PLB1: variants seen among roughly 807,000 people sequenced by gnomAD.
PLB1 encodes phospholipase B1.
A neutral mutation model predicts 227.4 loss-of-function variants in PLB1; 242 were observed. The observed-to-expected ratio is 1.06, with a 90% CI of 0.96 to 1.18. PLB1 has a LOEUF of 1.18. PLB1 is among the 50% of genes most tolerant of loss of function. The pLI is 0.00. For missense variants in PLB1, 1,858 were observed against 1,816.3 expected (o/e 1.02, Z -0.42); for synonymous variants, 757 against 682.2 (o/e 1.11, Z -1.71).
Position 28,581,996 on chromosome 2 carries a change from G to T in PLB1, c.1567-72G>T, listed in dbSNP as rs1376965083. 3 of 1,418,104 alleles carry T rather than the reference G, an allele frequency of 2.1e-6. No individual in the cohort carries two copies. In the African/African-American group the frequency reaches 4.4e-5, roughly 21 times the overall value. The allele number at this position is 1,418,104 out of a possible 1,614,324, so 87.8% of individuals were successfully genotyped here. On this transcript the variant is annotated intron_variant, in intron 23 of 57. Coordinates refer to ENST00000327757, the MANE Select transcript of PLB1 (RefSeq NM_153021.5). The stretch of plus-strand genomic sequence containing the variant: ...AAAAAAAAAAGAAGGGGACCCAAGA[G>T]AGAAAGTAGCCCTGTTCTGTAGAGA...
rs115074565 is a variant in PLB1, at chr2:28,525,965, G to A, written c.325+20G>A. On this transcript the variant is annotated intron_variant, in intron 6 of 57. Coordinates refer to ENST00000327757, the MANE Select transcript of PLB1 (RefSeq NM_153021.5). Reference sequence around the variant, plus strand: ...TGACAGGTGAGTTGTGGTTTTCACGGCCAGATTTCAGAGTGCCCCTCTCCT... The same window carrying A: ...TGACAGGTGAGTTGTGGTTTTCACGACCAGATTTCAGAGTGCCCCTCTCCT... 1 of 1,613,822 alleles carries A rather than the reference G, an allele frequency of 6.2e-7. No homozygotes were observed. The highest frequency in any genetic ancestry group is 1.3e-5 in the African/African-American group (1 of 74,990).
rs180984964 is a variant in PLB1, at chr2:28,522,631, G to A, written c.244-2636G>A. Among the ~76,000 whole-genome samples the A allele has an allele frequency of 8.5e-5, 13 of 152,244 alleles. No homozygotes were observed. In the East Asian group the frequency reaches 9.7e-4, roughly 11 times the overall value. ...AGCGTTGGTCTCTAACTTTAAGCCCGTCAGTGACTTGCACTCCTTGGTCTC... is the reference window on the plus strand; with the variant it reads ...AGCGTTGGTCTCTAACTTTAAGCCCATCAGTGACTTGCACTCCTTGGTCTC... On this transcript the variant is annotated intron_variant, in intron 4 of 57. Transcript: ENST00000327757.
intron 17 of PLB1, among the ~76,000 whole-genome samples, chr2:28,557,298 C>T (rs530650312): frequency 3.3e-5 from 5 of 152,278 alleles, no homozygotes; most frequent in Non-Finnish European, 7.4e-5. Flanking sequence ...CTGTGGAAGG[C>T]ACGCATTGGT....
chr2:28,637,953 A>T (rs1177080154), intron 56 of PLB1, among the ~76,000 whole-genome samples: 3 of 152,144 alleles, frequency 2.0e-5, no homozygotes, highest in African/African-American at 7.2e-5. Context: ...AAACAATTTC[A>T]TTCCCTGTGG....
intron 10 of PLB1, 77 bp from the exon 11 acceptor site, chr2:28,539,022 C>T: frequency 8.4e-7 from 1 of 1,191,532 alleles, no homozygotes; most frequent in Non-Finnish European, 1.3e-6. Context: ...CAACGGGGCC[C>T]AAGCAGGAGT....
At chr2:28,522,882 A>G (rs1443552651) in intron 4 of PLB1, among the ~76,000 whole-genome samples, 1 of 152,194 alleles carries the variant, frequency 6.6e-6, no homozygotes, top group Non-Finnish European at 1.5e-5. Context: ...GGCCATCATG[A>G]ACTTACCTGG....
chr2:28,571,269 C>T (rs902096578), intron 20 of PLB1, among the ~76,000 whole-genome samples: 2 of 152,064 alleles, frequency 1.3e-5, no homozygotes, highest in African/African-American at 4.8e-5. Flanking sequence ...AAAAGGGCAT[C>T]GCTTTTAAGA....
chr2:28,599,286 G>A (rs1235425755), intron 35 of PLB1, among the ~76,000 whole-genome samples: 1 of 152,244 alleles, frequency 6.6e-6, no homozygotes, highest in Non-Finnish European at 1.5e-5. Flanking sequence ...CCTGGGGTGG[G>A]CTCCAAAGGG....
intron 21 of PLB1, among the ~76,000 whole-genome samples, chr2:28,574,695 C>T (rs1429160392): frequency 6.6e-6 from 1 of 151,904 alleles, no homozygotes; most frequent in Non-Finnish European, 1.5e-5. Flanking sequence ...CCATGCCTGG[C>T]CCATTATATC....
intron 9 of PLB1, among the ~76,000 whole-genome samples, chr2:28,533,750 A>G (rs1197101024): frequency 6.6e-6 from 1 of 152,366 alleles, no homozygotes; most frequent in Non-Finnish European, 1.5e-5. Context: ...AGACTCATCA[A>G]TGATTTTTCC....
chr2:28,584,098 T>G (rs907259185), intron 25 of PLB1, among the ~76,000 whole-genome samples: 1 of 152,160 alleles, frequency 6.6e-6, no homozygotes, highest in African/African-American at 2.4e-5. Flanking sequence ...ACCCCAGCCC[T>G]GAGCACATCA....
At chr2:28,603,873 C>T (rs1573363039) in intron 39 of PLB1, 93 bp from the exon 40 acceptor site, 4 of 1,172,314 alleles carry the variant, frequency 3.4e-6, no homozygotes, top group African/African-American at 1.5e-5. Context: ...CGGGAGGGAG[C>T]CTCTCCACCC....
intron 17 of PLB1, among the ~76,000 whole-genome samples, chr2:28,553,725 T>C (rs1674590753): frequency 6.6e-6 from 1 of 152,230 alleles, no homozygotes; most frequent in South Asian, 2.1e-4. Context: ...GTCCATTTAT[T>C]TGTTCGTTTA....
chr2:28,498,587 A>G (rs1666745500), intron 1 of PLB1, among the ~76,000 whole-genome samples: 2 of 152,236 alleles, frequency 1.3e-5, no homozygotes, highest in African/African-American at 2.4e-5. Context: ...GCAGATACCC[A>G]GTTGTCTCAC....
At position 28,604,651 on chromosome 2, in the gene PLB1, C is replaced by A. The variant is rs1003993683; in HGVS notation, c.2857-4C>A. ...GGCTGAAGACCCTGTGCATGTGTCC[C>A]CAGAGCAGCATGCGCGAGCTGGTGG... On this transcript the variant is annotated splice_region_variant and splice_polypyrimidine_tract_variant and intron_variant, in intron 40 of 57. Transcript: ENST00000327757. 18 of 1,613,636 alleles carry A rather than the reference C, an allele frequency of 1.1e-5. No individual in the cohort carries two copies. In the African/African-American group the frequency reaches 1.9e-4, roughly 17 times the overall value.
chr2:28,554,077 G>T lies in PLB1; in HGVS notation c.1147+1086G>T, dbSNP rs1224999457. Among the ~76,000 whole-genome samples the T allele has an allele frequency of 8.5e-5, 13 of 152,170 alleles. 1 individual carries two copies. The highest frequency in any genetic ancestry group is 8.5e-4 in the Admixed American group (13 of 15,286). Reference sequence around the variant, plus strand: ...TGACTCTTGTTCTAAGTTGTAGAAGGATGGAATAGGGGATGTAGATCTTAC... The same window carrying T: ...TGACTCTTGTTCTAAGTTGTAGAAGTATGGAATAGGGGATGTAGATCTTAC... On this transcript the variant is annotated intron_variant, in intron 17 of 57. Coordinates refer to ENST00000327757, the MANE Select transcript of PLB1 (RefSeq NM_153021.5).
At chr2:28,592,783 T>G (rs942820381) in intron 32 of PLB1, 64 bp downstream of exon 32, 1 of 1,510,416 alleles carries the variant, frequency 6.6e-7, no homozygotes, top group South Asian at 1.2e-5. Flanking sequence ...CCCAGTCCTC[T>G]TAACTTAAGG....
At chr2:28,599,197 C>T (rs905229134) in intron 35 of PLB1, among the ~76,000 whole-genome samples, 1 of 152,228 alleles carries the variant, frequency 6.6e-6, no homozygotes, top group Non-Finnish European at 1.5e-5. Context: ...CATGTCCCCT[C>T]CCTAGCCCCA....
chr2:28,579,126 T>A (rs1196453358), intron 22 of PLB1, among the ~76,000 whole-genome samples: 2 of 152,244 alleles, frequency 1.3e-5, no homozygotes, highest in East Asian at 3.8e-4. Flanking sequence ...TCAGCCTCTC[T>A]GGCTTGACTA....
Sources: gnomAD v4.1 joint callset for allele counts (sites outside exome capture counted in the v4.1 genomes callset) on GRCh38, gnomAD v4.1.1 for gene constraint, MANE v1.5 for transcripts, NCBI Gene and HGNC (gene_info 2026-07-23, HGNC 2026-07-21) for gene names.